The following LRMDA variants were observed in gnomAD, a reference collection of about 807,000 sequenced individuals.
LRMDA encodes the protein leucine-rich melanocyte differentiation-associated protein.
A neutral mutation model predicts 29.8 loss-of-function variants in LRMDA; 18 were observed. The ratio of observed to expected loss-of-function variants is 0.60; its 90% CI spans 0.42 to 0.90. LRMDA has a LOEUF of 0.90. LRMDA is among the 40% of genes least tolerant of loss of function. LRMDA has a pLI of 0.00. For missense variants in LRMDA, 273 were observed against 273.9 expected, an observed-to-expected ratio of 1.00 and a Z score of 0.02; for synonymous variants, 125 against 109.4, an observed-to-expected ratio of 1.14 and a Z score of -0.89.
At chr10:76,010,447 G>A (rs1007210536) in intron 2 of LRMDA, among the ~76,000 whole-genome samples, 19 of 151,940 alleles carry the variant, frequency 1.3e-4, no homozygotes, top group Admixed American at 8.5e-4. Flanking sequence ...TGAGTAGCTG[G>A]GACTACAGGC....
chr10:76,545,716 A>G (rs894312514), intron 6 of LRMDA, among the ~76,000 whole-genome samples: 1 of 151,070 alleles, frequency 6.6e-6, no homozygotes, highest in African/African-American at 2.4e-5. Flanking sequence ...GCTATTGGGG[A>G]TAAAATAAAA....
intron 1 of LRMDA, among the ~76,000 whole-genome samples, chr10:75,437,490 G>T (rs965285794): frequency 6.6e-6 from 1 of 152,168 alleles, no homozygotes; most frequent in African/African-American, 2.4e-5. Context: ...TGGCCCACTG[G>T]TCAACTCGGC....
chr10:75,707,838 CG>C (rs1477760571), intron 2 of LRMDA, among the ~76,000 whole-genome samples: 1 of 152,032 alleles, frequency 6.6e-6, no homozygotes, highest in Non-Finnish European at 1.5e-5. Context: ...GAGGTGGGGA[CG>C]GGGACTGGGG....
At chr10:76,293,219 G>A (rs975183577) in intron 5 of LRMDA, among the ~76,000 whole-genome samples, 5 of 152,156 alleles carry the variant, frequency 3.3e-5, no homozygotes, top group Non-Finnish European at 7.4e-5. Flanking sequence ...GGCCTCAAGT[G>A]ATCTGCCCAC....
chr10:76,556,704 G>A (rs1053472109), intron 6 of LRMDA, among the ~76,000 whole-genome samples: 2 of 152,122 alleles, frequency 1.3e-5, no homozygotes, highest in Non-Finnish European at 2.9e-5. Context: ...CATCCCATAT[G>A]TGCTCAATGC....
chr10:75,621,116 C>T (rs1235783110), intron 2 of LRMDA, among the ~76,000 whole-genome samples: 3 of 152,076 alleles, frequency 2.0e-5, no homozygotes, highest in Non-Finnish European at 4.4e-5. Context: ...AGTTACTTCA[C>T]TTAGAATAAT....
chr10:76,088,695 A>G (rs1355378063), intron 5 of LRMDA, among the ~76,000 whole-genome samples: 2 of 152,130 alleles, frequency 1.3e-5, no homozygotes, highest in Non-Finnish European at 2.9e-5. Context: ...TTTGAAATAT[A>G]TTGGTTATTT....
chr10:76,098,593 C>A (rs1206835022), intron 5 of LRMDA, among the ~76,000 whole-genome samples: 1 of 151,968 alleles, frequency 6.6e-6, no homozygotes, highest in African/African-American at 2.4e-5. Flanking sequence ...CATATTAAAT[C>A]TGACTAGAAG....
At chr10:76,551,653 T>C (rs1355003325) in intron 6 of LRMDA, among the ~76,000 whole-genome samples, 1 of 152,228 alleles carries the variant, frequency 6.6e-6, no homozygotes, top group Non-Finnish European at 1.5e-5. Context: ...TATTGGGATG[T>C]AGCTCCATGG....
chr10:75,987,856 G>A (rs191836585), intron 2 of LRMDA, among the ~76,000 whole-genome samples: 127 of 152,290 alleles, frequency 8.3e-4, no homozygotes, highest in Non-Finnish European at 1.5e-3. Context: ...AAAGAGGAAT[G>A]CTGAGTCATA....
At chr10:76,099,522 C>T (rs1280497550) in intron 5 of LRMDA, among the ~76,000 whole-genome samples, 14 of 151,968 alleles carry the variant, frequency 9.2e-5, no homozygotes, top group Non-Finnish European at 1.5e-5. Flanking sequence ...ATATTCTTTA[C>T]TAGTGTAAGC....
chr10:75,707,780 T>C (rs951582122), intron 2 of LRMDA, among the ~76,000 whole-genome samples: 11 of 152,178 alleles, frequency 7.2e-5, no homozygotes, highest in Non-Finnish European at 1.5e-4. Flanking sequence ...CCTGCCCCTT[T>C]CCTGCCAGTA....
intron 6 of LRMDA, among the ~76,000 whole-genome samples, chr10:76,418,328 TTGTG>T (rs35733567): frequency 2.1e-3 from 308 of 149,530 alleles, no homozygotes; most frequent in Non-Finnish European, 3.0e-3. Context: ...TTAGTTTTTC[TTGTG>T]TGTGTGTGTG....
chr10:76,365,071 T>TAC (rs1554816010), intron 6 of LRMDA, among the ~76,000 whole-genome samples: 10,852 of 90,252 alleles, frequency 0.12, 994 homozygotes, highest in African/African-American at 0.27. Flanking sequence ...CGTATATATA[T>TAC]ACACACACAC....
chr10:76,270,462 T>C (rs1332261426), intron 5 of LRMDA: 1 of 152,334 alleles, frequency 6.6e-6, no homozygotes, highest in Admixed American at 6.5e-5. Context: ...TGAAGCATTA[T>C]TAGCTGTAGA....
At position 76,402,165 on chromosome 10, in the gene LRMDA, C is replaced by T. The variant is rs187888285; in HGVS notation, c.601+77680C>T. The T allele has an allele frequency of 2.0e-5, 3 of 152,172 alleles. No individual in the cohort carries two copies. In the East Asian group the frequency reaches 5.8e-4, roughly 30 times the overall value. The allele number at this position is 152,172 out of a possible 1,614,324, so 9.4% of individuals were successfully genotyped here. On this transcript the variant is annotated intron_variant, in intron 6 of 6. Coordinates refer to ENST00000611255, the MANE Select transcript of LRMDA (RefSeq NM_001305581.2). The stretch of plus-strand genomic sequence containing the variant: ...ATCTGCAGGAGGTAAAGAGGTTAGG[C>T]CGTTCCAGGAATATGGGGCAGTTTC...
intron 2 of LRMDA, among the ~76,000 whole-genome samples, chr10:75,453,707 A>G (rs1057044428): frequency 6.6e-6 from 1 of 152,182 alleles, no homozygotes; most frequent in Admixed American, 6.5e-5. Flanking sequence ...TTGGTGGAGC[A>G]GAAGGTGAGA....
chr10:76,050,357 G>A (rs1297212113), intron 4 of LRMDA, among the ~76,000 whole-genome samples: 2 of 152,092 alleles, frequency 1.3e-5, no homozygotes, highest in South Asian at 4.1e-4. Flanking sequence ...GATTTTCTTG[G>A]CACACATCCC....
At chr10:76,280,814 TA>T (rs113388371) in intron 5 of LRMDA, among the ~76,000 whole-genome samples, 1 of 150,744 alleles carries the variant, frequency 6.6e-6, no homozygotes, top group South Asian at 2.1e-4. Flanking sequence ...GAATGTGCCT[TA>T]AAAAAAAAGG....
Sources: gnomAD v4.1 joint callset for allele counts (sites outside exome capture counted in the v4.1 genomes callset) on GRCh38, gnomAD v4.1.1 for gene constraint, MANE v1.5 for transcripts, NCBI Gene and HGNC (gene_info 2026-07-23, HGNC 2026-07-21) for gene names.